The following MAP3K20 variants were observed in gnomAD, a reference collection of about 807,000 sequenced individuals.
The protein encoded by MAP3K20 is mitogen-activated protein kinase kinase kinase 20.
In MAP3K20, 40 loss-of-function variants were observed where a neutral mutation model predicts 85.7. The observed-to-expected ratio is 0.47, with a 90% CI of 0.36 to 0.61. MAP3K20 has a LOEUF of 0.61. MAP3K20 is among the 20% of genes least tolerant of loss of function. The pLI, the probability that MAP3K20 is intolerant of heterozygous loss-of-function variation, is 0.00. For synonymous variants in MAP3K20, 325 were observed against 327.7 expected, an observed-to-expected ratio of 0.99 and a Z score of 0.09; for missense variants, 817 against 961.7, an observed-to-expected ratio of 0.85 and a Z score of 1.99.
chr2:173,264,017 C>G (rs574175618), intron 19 of MAP3K20, 122 bp downstream of exon 19: 21 of 1,357,002 alleles, frequency 1.5e-5, no homozygotes, highest in Non-Finnish European at 2.1e-5. Context: ...CTTTGAGCTT[C>G]GAGTAGCAGA....
chr2:173,136,118 C>G (rs1160015367), intron 2 of MAP3K20, among the ~76,000 whole-genome samples: 1 of 152,170 alleles, frequency 6.6e-6, no homozygotes, highest in Non-Finnish European at 1.5e-5. Context: ...TTAGCTGTAA[C>G]AAAAGCAGCA....
At chr2:173,097,586 C>T (rs554721817) in intron 2 of MAP3K20, among the ~76,000 whole-genome samples, 2 of 152,216 alleles carry the variant, frequency 1.3e-5, no homozygotes, top group South Asian at 2.1e-4. Context: ...GCCTTTTCTT[C>T]ATCTGTCTTG....
At chr2:173,084,268 A>C (rs1015078083) in intron 1 of MAP3K20, among the ~76,000 whole-genome samples, 15 of 152,056 alleles carry the variant, frequency 9.9e-5, no homozygotes, top group Non-Finnish European at 2.1e-4. Context: ...AATCAGGTTA[A>C]GTTTTCTTGG....
chr2:173,261,516 C>T (rs77586995), intron 18 of MAP3K20, among the ~76,000 whole-genome samples: 14,766 of 152,122 alleles, frequency 0.097, 748 homozygotes, highest in South Asian at 0.17. Context: ...TACGTAGACC[C>T]GGTGGGAGTG....
chr2:173,146,255 A>G (rs965664106), intron 2 of MAP3K20, among the ~76,000 whole-genome samples: 5 of 152,026 alleles, frequency 3.3e-5, no homozygotes, highest in African/African-American at 9.7e-5. Flanking sequence ...AGGCAAAGGA[A>G]CAAGCCAGTC....
chr2:173,204,049 G>C (rs1438212426), intron 9 of MAP3K20, among the ~76,000 whole-genome samples, 179 bp downstream of exon 9: 1 of 152,162 alleles, frequency 6.6e-6, no homozygotes, highest in African/African-American at 2.4e-5. Flanking sequence ...TTGATCTCTA[G>C]AGACTCATTA....
chr2:173,146,224 T>A (rs1304172515), intron 2 of MAP3K20, among the ~76,000 whole-genome samples: 1 of 151,820 alleles, frequency 6.6e-6, no homozygotes, highest in Non-Finnish European at 1.5e-5. Flanking sequence ...AAGTTTCAGG[T>A]TTTTGTTGTT....
chr2:173,148,043 T>C (rs1211309400), intron 2 of MAP3K20, among the ~76,000 whole-genome samples: 1 of 152,144 alleles, frequency 6.6e-6, no homozygotes, highest in African/African-American at 2.4e-5. Context: ...TATCCATAAG[T>C]GGCCTCACAG....
intron 2 of MAP3K20, among the ~76,000 whole-genome samples, chr2:173,120,381 C>T (rs577459186): frequency 6.6e-6 from 1 of 152,102 alleles, no homozygotes; most frequent in Non-Finnish European, 1.5e-5. Context: ...ACCCCATGAA[C>T]CCCCTGGGTT....
chr2:173,160,581 CTT>C (rs1288086820), intron 2 of MAP3K20, among the ~76,000 whole-genome samples: 1 of 152,120 alleles, frequency 6.6e-6, no homozygotes, highest in African/African-American at 2.4e-5. Context: ...CCTTCGTTTT[CTT>C]TATAATCAGA....
chr2:173,134,251 C>T (rs1322607289), intron 2 of MAP3K20, among the ~76,000 whole-genome samples: 3 of 141,740 alleles, frequency 2.1e-5, no homozygotes, highest in African/African-American at 7.9e-5. Flanking sequence ...AGTGCCGTGG[C>T]GTGATTTTGG....
chr2:173,213,451 T>C (rs1478398214), intron 10 of MAP3K20, among the ~76,000 whole-genome samples: 2 of 152,178 alleles, frequency 1.3e-5, no homozygotes, highest in Non-Finnish European at 2.9e-5. Context: ...AAGCAGGCAA[T>C]TGGTTAAAAA....
At chr2:173,199,242 C>G (rs1481267240) in intron 8 of MAP3K20, among the ~76,000 whole-genome samples, 1 of 152,118 alleles carries the variant, frequency 6.6e-6, no homozygotes, top group Non-Finnish European at 1.5e-5. Flanking sequence ...TCTTTTAGAT[C>G]ACATAATCCA....
At chr2:173,224,125 A>G in intron 11 of MAP3K20, 1 of 843,914 alleles carries the variant, frequency 1.2e-6, no homozygotes, top group Non-Finnish European at 1.4e-6. Context: ...ACATTTGATA[A>G]GTATATGCCA....
chr2:173,195,991 G>A (rs542860932), intron 7 of MAP3K20, among the ~76,000 whole-genome samples: 62 of 152,246 alleles, frequency 4.1e-4, no homozygotes, highest in African/African-American at 1.3e-3. Context: ...CAAGAATGAC[G>A]TAAATGTTTT....
chr2:173,104,341 CA>C (rs1172236661), intron 2 of MAP3K20, among the ~76,000 whole-genome samples: 1 of 152,128 alleles, frequency 6.6e-6, no homozygotes, highest in Non-Finnish European at 1.5e-5. Context: ...AAATATCAGG[CA>C]AACCAAAGCT....
intron 16 of MAP3K20, among the ~76,000 whole-genome samples, chr2:173,245,702 C>T (rs1459390166): frequency 2.6e-5 from 4 of 152,168 alleles, no homozygotes; most frequent in Admixed American, 1.3e-4. Flanking sequence ...GAGGCCAAGA[C>T]GGGCAGATCA....
chr2:173,127,867 A>G (rs1476248099), intron 2 of MAP3K20, among the ~76,000 whole-genome samples: 1 of 152,192 alleles, frequency 6.6e-6, no homozygotes, highest in Non-Finnish European at 1.5e-5. Context: ...CTGTGTGCAT[A>G]GGTAACACCC....
At chr2:173,132,402 A>G (rs1049141126) in intron 2 of MAP3K20, among the ~76,000 whole-genome samples, 9 of 152,116 alleles carry the variant, frequency 5.9e-5, no homozygotes, top group African/African-American at 1.7e-4. Flanking sequence ...TAGGCTGTGT[A>G]TCAGCTTTAA....
Sources: gnomAD v4.1 joint callset for allele counts (sites outside exome capture counted in the v4.1 genomes callset) on GRCh38, gnomAD v4.1.1 for gene constraint, MANE v1.5 for transcripts, NCBI Gene and HGNC (gene_info 2026-07-23, HGNC 2026-07-21) for gene names.